Variants in SDK2 observed in about 807,000 individuals in gnomAD.
The protein encoded by SDK2 is sidekick cell adhesion molecule 2, also known as protein sidekick-2.
A neutral mutation model predicts 253.9 loss-of-function variants in SDK2; 105 were observed. That is an observed-to-expected ratio of 0.41 (90% CI 0.35 to 0.49). The LOEUF is 0.49. SDK2 is among the 20% of genes least tolerant of loss of function. The pLI, the probability that SDK2 is intolerant of heterozygous loss-of-function variation, is 0.06. For missense variants in SDK2, 2,608 were observed against 3,003.0 expected (o/e 0.87, Z 3.07); for synonymous variants, 1,249 against 1,234.9 (o/e 1.01, Z -0.24).
intron 1 of SDK2, among the ~76,000 whole-genome samples, chr17:73,610,327 G>A (rs527966791): frequency 1.4e-4 from 22 of 152,310 alleles, no homozygotes; most frequent in African/African-American, 4.6e-4. Context: ...AGGGCACCCC[G>A]AAATGCACCT....
In SDK2 at chr17:73,416,029, C is replaced by T. The variant is rs758420843; in HGVS notation, c.2187-37G>A. 2.5e-6 allele frequency: 4 copies of T among 1,581,840 alleles called. No homozygotes were observed. The Middle Eastern group carries it at 5.1e-4, about 200-fold the overall frequency. The stretch of plus-strand genomic sequence containing the variant: ...AGGCGAGGCACAGTGGAGTCAGAGT[C>T]AGCTTCCTTGGCCTCGTACCCAGGA... On this transcript the variant is annotated intron_variant, in intron 16 of 44. Transcript: ENST00000392650.
intron 12 of SDK2, among the ~76,000 whole-genome samples, chr17:73,424,894 A>G (rs2063267129): frequency 6.6e-6 from 1 of 152,166 alleles, no homozygotes; most frequent in South Asian, 2.1e-4. Flanking sequence ...AACTAGGGAG[A>G]GTGAATCTGT....
chr17:73,433,954 C>T (rs2063348198), intron 9 of SDK2, 106 bp from the exon 10 acceptor site: 1 of 715,222 alleles, frequency 1.4e-6, no homozygotes, highest in Admixed American at 3.1e-5. Context: ...CTCATCCTCC[C>T]CCTGCCATGG....
At chr17:73,389,871 T>G (rs1181405061) in intron 29 of SDK2, among the ~76,000 whole-genome samples, 1 of 152,216 alleles carries the variant, frequency 6.6e-6, no homozygotes, top group East Asian at 1.9e-4. Context: ...TGTCTCAGCT[T>G]CCTGAGTAGC....
intron 1 of SDK2, among the ~76,000 whole-genome samples, chr17:73,631,201 G>T (rs2046265403): frequency 6.6e-6 from 1 of 152,214 alleles, no homozygotes; most frequent in Admixed American, 6.5e-5. Flanking sequence ...TGAGCTTGGA[G>T]CCCAGCTAAT....
chr17:73,476,266 C>G (rs1567794844), intron 2 of SDK2, among the ~76,000 whole-genome samples: 4 of 152,146 alleles, frequency 2.6e-5, no homozygotes, highest in Non-Finnish European at 5.9e-5. Flanking sequence ...TACAAATACA[C>G]AAGCACAAAC....
chr17:73,569,365 T>G (rs1298576435), intron 1 of SDK2, among the ~76,000 whole-genome samples: 1 of 151,968 alleles, frequency 6.6e-6, no homozygotes, highest in Non-Finnish European at 1.5e-5. Flanking sequence ...ACCCAGCTAA[T>G]TTTTGTATTT....
At chr17:73,502,188 C>T (rs942789913) in intron 2 of SDK2, among the ~76,000 whole-genome samples, 2 of 152,172 alleles carry the variant, frequency 1.3e-5, no homozygotes, top group African/African-American at 4.8e-5. Context: ...ATAAACTTTC[C>T]TCCCTTTGGA....
chr17:73,454,965 A>G (rs1382455686), intron 4 of SDK2, among the ~76,000 whole-genome samples: 3 of 152,166 alleles, frequency 2.0e-5, no homozygotes, highest in Non-Finnish European at 4.4e-5. Flanking sequence ...AGTCTCCCAA[A>G]GTGCTGGGAT....
rs1054730306 is a variant in SDK2, at chr17:73,496,848, A to G, written c.224+10590T>C. On this transcript the variant is annotated intron_variant, in intron 2 of 44. Transcript: ENST00000392650. The surrounding 1 kb of genome is among the most constrained non-coding windows in gnomAD (Gnocchi z 4.7). ...ACTTGCCCCATCCTCCCCCTCCTGA[A>G]GGTCACCAGACTTCTATGTCCCTAA... Among the ~76,000 whole-genome samples the G allele has an allele frequency of 1.3e-5, 2 of 152,050 alleles. No individual in the cohort carries two copies. Among genetic ancestry groups the G allele is most frequent in the Admixed American group, 6.6e-5 (1 of 15,256 alleles).
At chr17:73,501,042 C>T (rs912792663) in intron 2 of SDK2, among the ~76,000 whole-genome samples, 4 of 152,206 alleles carry the variant, frequency 2.6e-5, no homozygotes, top group Non-Finnish European at 5.9e-5. Context: ...TGGGAGATGG[C>T]TCCTGGAGAA....
Position 73,507,448 on chromosome 17 carries a change from G to A in SDK2, c.214C>T (p.Leu72=). 2 of 1,551,120 alleles carry A rather than the reference G, an allele frequency of 1.3e-6. No individual in the cohort carries two copies. Among genetic ancestry groups the A allele is most frequent in the Non-Finnish European group, 1.7e-6 (2 of 1,146,652 alleles). The change falls in exon 2 of 45, where the codon CTG becomes TTG. Residue 72 remains leucine, a synonymous_variant. Transcript: ENST00000392650. ...GGAGGGGCAGTTTACCTGTATTCCA[G>A]GGAGAACTTGGTCAGCTCCCTGTTG... The part of the protein sequence containing the change: ...HNNRELTKFS[L]EYRYMITSLD...
At chr17:73,428,374 T>C (rs961028950) in intron 12 of SDK2, among the ~76,000 whole-genome samples, 5 of 152,200 alleles carry the variant, frequency 3.3e-5, no homozygotes, top group African/African-American at 1.2e-4. Context: ...AGAGTGTTTT[T>C]TTCTAGAACT....
chr17:73,361,870 A>G lies in SDK2; in HGVS notation c.5306-25T>C. 6.4e-7 allele frequency: 1 copy of G among 1,556,834 alleles called. No individual in the cohort carries two copies. The highest frequency in any genetic ancestry group is 1.9e-5 in the Admixed American group (1 of 53,494). ...CCTGGGGGAGGCACAGCAAGTGGGG[A>G]CTGGGCACAGGGCCCACCGAGGGCA... is the stretch of plus-strand genomic sequence containing the variant. On this transcript the variant is annotated intron_variant, in intron 38 of 44. Transcript: ENST00000392650. The surrounding 1 kb of genome is among the most constrained non-coding windows in gnomAD (Gnocchi z 4.1).
At chr17:73,343,616 C>T (rs1395400322) in intron 44 of SDK2, among the ~76,000 whole-genome samples, 1 of 152,208 alleles carries the variant, frequency 6.6e-6, no homozygotes, top group African/African-American at 2.4e-5. Context: ...CTCCTCAAAG[C>T]CACTCAATCA....
chr17:73,563,585 A>G (rs67586959), intron 1 of SDK2, among the ~76,000 whole-genome samples: 4,905 of 152,286 alleles, frequency 0.032, 93 homozygotes, highest in Non-Finnish European at 0.049. Flanking sequence ...TCTCTTAAAA[A>G]AAAATCTTTG....
Position 73,447,163 on chromosome 17 carries a change from T to C in SDK2, c.613+452A>G, listed in dbSNP as rs1172014694. 1.3e-5 allele frequency among the ~76,000 whole-genome samples: 2 copies of C among 152,092 alleles called. No individual in the cohort carries two copies. Among genetic ancestry groups the C allele is most frequent in the East Asian group, 3.9e-4 (2 of 5,180 alleles). On this transcript the variant is annotated intron_variant, in intron 5 of 44. Coordinates refer to ENST00000392650, the MANE Select transcript of SDK2 (RefSeq NM_001144952.2). The surrounding 1 kb of genome is among the most constrained non-coding windows in gnomAD (Gnocchi z 4.0). Reference sequence around the variant, plus strand: ...AGCAGGGACCACCTGGCTCCCAATATAGACAGCACTTCTTATGTGACAGCC... The same window carrying C: ...AGCAGGGACCACCTGGCTCCCAATACAGACAGCACTTCTTATGTGACAGCC...
rs1043624535 is a variant in SDK2 at position 73,481,392 on chromosome 17, C to T, written c.225-9174G>A. Among the ~76,000 whole-genome samples the T allele has an allele frequency of 1.3e-5, 2 of 152,156 alleles. No homozygotes were observed. The highest frequency in any genetic ancestry group is 2.9e-5 in the Non-Finnish European group (2 of 68,028). On this transcript the variant is annotated intron_variant, in intron 2 of 44. Coordinates refer to ENST00000392650, the MANE Select transcript of SDK2 (RefSeq NM_001144952.2). This position sits in a 1 kb window ranked among gnomAD's most constrained non-coding sequence, Gnocchi z 4.5. ...TGTGATGGTTAATTTTAGGTGTCAA[C>T]TTGACTGGGATGAAGGATGCCTGCC...
intron 2 of SDK2, among the ~76,000 whole-genome samples, chr17:73,473,624 T>A (rs2063667201): frequency 6.6e-6 from 1 of 152,242 alleles, no homozygotes; most frequent in African/African-American, 2.4e-5. Flanking sequence ...GTCATCATCA[T>A]CATCTTGCCA....
Sources: allele counts gnomAD v4.1 joint callset (sites outside exome capture counted in the v4.1 genomes callset), GRCh38; gene constraint gnomAD v4.1.1; non-coding constraint Gnocchi (gnomAD v3.1); transcripts MANE v1.5; gene names NCBI Gene and HGNC (gene_info 2026-07-23, HGNC 2026-07-21).